SPAG16: variants seen among roughly 807,000 people sequenced by gnomAD.
SPAG16 encodes sperm-associated antigen 16 protein.
Under a neutral mutation model 80.4 loss-of-function variants are expected in SPAG16, and 86 were observed. The observed-to-expected ratio is 1.07, with a 90% CI of 0.90 to 1.28. The LOEUF (loss-of-function observed/expected upper bound fraction) is 1.28. Among genes scored for constraint, SPAG16 ranks in the 50% most tolerant of loss-of-function variants. The probability of loss-of-function intolerance (pLI) is 0.00; values close to 1 mark genes in which losing one functional copy is unlikely to be tolerated. For synonymous variants in SPAG16, 294 were observed against 265.9 expected (o/e 1.11, Z -1.03); for missense variants, 870 against 765.3 (o/e 1.14, Z -1.61).
intron 1 of SPAG16, among the ~76,000 whole-genome samples, chr2:213,286,587 G>A (rs1205593397): frequency 2.0e-5 from 3 of 152,188 alleles, no homozygotes; most frequent in Non-Finnish European, 4.4e-5. Flanking sequence ...ATTTAATTGA[G>A]CTATCATGGT....
At chr2:214,331,939 A>G (rs1038951137) in intron 15 of SPAG16, among the ~76,000 whole-genome samples, 5 of 152,256 alleles carry the variant, frequency 3.3e-5, no homozygotes, top group Admixed American at 2.0e-4. Flanking sequence ...TACTTCTGCC[A>G]GGATAGAAAG....
chr2:213,684,132 T>A (rs1035778044), intron 10 of SPAG16, among the ~76,000 whole-genome samples: 1 of 152,228 alleles, frequency 6.6e-6, no homozygotes, highest in Admixed American at 6.5e-5. Context: ...TTATAAAAGC[T>A]TGAAGCTATC....
intron 11 of SPAG16, among the ~76,000 whole-genome samples, chr2:213,908,485 G>A (rs1254338084): frequency 1.3e-5 from 2 of 152,110 alleles, no homozygotes; most frequent in African/African-American, 4.8e-5. Context: ...TCTTTCTTGG[G>A]TTCAGTCTCC....
At chr2:213,517,956 G>A (rs568739319) in intron 10 of SPAG16, among the ~76,000 whole-genome samples, 12 of 152,198 alleles carry the variant, frequency 7.9e-5, no homozygotes, top group Admixed American at 2.0e-4. Flanking sequence ...TTGACAAGTA[G>A]GACCTAATTA....
intron 15 of SPAG16, among the ~76,000 whole-genome samples, chr2:214,261,107 C>CAAAAAAAAAAA (rs558534808): frequency 1.8e-4 from 10 of 54,468 alleles, no homozygotes; most frequent in Admixed American, 2.7e-4. Context: ...GACTCAGTCT[C>CAAAAAAAAAAA]AAAAAAAAAA....
At position 213,458,746 on chromosome 2, in the gene SPAG16, G is replaced by A. The variant is rs116181577; in HGVS notation, c.943-31217G>A. On this transcript the variant is annotated intron_variant, in intron 9 of 15. Coordinates refer to ENST00000331683, the MANE Select transcript of SPAG16 (RefSeq NM_024532.5). ...GAAGATACTGTTCCATCATCTTCTG[G>A]CTCTCCTTATTCTATTGAGAAGTTG... Among the ~76,000 whole-genome samples the A allele has an allele frequency of 8.4e-3, 1,276 of 151,976 alleles. 17 individuals carry two copies. Among genetic ancestry groups the A allele is most frequent in the African/African-American group, 0.029 (1,189 of 41,420 alleles).
chr2:214,348,954 G>T (rs1467299383), intron 15 of SPAG16, among the ~76,000 whole-genome samples: 1 of 151,814 alleles, frequency 6.6e-6, no homozygotes, highest in Non-Finnish European at 1.5e-5. Flanking sequence ...AAGAATATAC[G>T]GTCATCTTTA....
chr2:213,452,225 GC>G (rs1185433092), intron 9 of SPAG16, among the ~76,000 whole-genome samples: 2 of 152,068 alleles, frequency 1.3e-5, no homozygotes, highest in Non-Finnish European at 2.9e-5. Flanking sequence ...TTTCTGAGCT[GC>G]TTTTTGTTAG....
chr2:213,559,997 G>A (rs1231669112), intron 10 of SPAG16, among the ~76,000 whole-genome samples: 1 of 151,990 alleles, frequency 6.6e-6, no homozygotes, highest in Non-Finnish European at 1.5e-5. Flanking sequence ...AGATAAAAAT[G>A]CAACCTGTTC....
intron 10 of SPAG16, among the ~76,000 whole-genome samples, chr2:213,593,069 GT>G (rs1559289875): frequency 1.3e-5 from 2 of 150,642 alleles, no homozygotes. Flanking sequence ...CAATCCGTAT[GT>G]ATATATATAT....
chr2:213,368,452 A>C (rs1019755361), intron 8 of SPAG16, among the ~76,000 whole-genome samples: 1 of 152,218 alleles, frequency 6.6e-6, no homozygotes, highest in Non-Finnish European at 1.5e-5. Context: ...ACCCACAGCC[A>C]ATATCATACT....
At chr2:213,610,333 C>T (rs1326156902) in intron 10 of SPAG16, among the ~76,000 whole-genome samples, 2 of 152,066 alleles carry the variant, frequency 1.3e-5, no homozygotes, top group South Asian at 4.1e-4. Context: ...TCTCTAAGGT[C>T]TTCCCTTTTC....
chr2:213,697,184 A>G (rs1444450818), intron 10 of SPAG16, among the ~76,000 whole-genome samples: 3 of 152,236 alleles, frequency 2.0e-5, no homozygotes, highest in Non-Finnish European at 2.9e-5. Flanking sequence ...GATTGAATCT[A>G]TTTAACAAGG....
chr2:213,388,545 C>G (rs1439218854), intron 9 of SPAG16, among the ~76,000 whole-genome samples: 1 of 152,068 alleles, frequency 6.6e-6, no homozygotes, highest in East Asian at 1.9e-4. Context: ...GATCCTTGAC[C>G]AGAGACAGTC....
intron 15 of SPAG16, among the ~76,000 whole-genome samples, chr2:214,177,971 GTATATATATATATATATATATA>G (rs34460783): frequency 1.0e-4 from 6 of 59,362 alleles, no homozygotes; most frequent in South Asian, 6.2e-4. Context: ...CAAAGTGTAT[GTATATATATATATATATATATA>G]TATATATATA....
chr2:213,836,259 T>A (rs1409223495), intron 10 of SPAG16, among the ~76,000 whole-genome samples: 1 of 151,720 alleles, frequency 6.6e-6, no homozygotes, highest in Non-Finnish European at 1.5e-5. Context: ...TATAATTTTT[T>A]TTCCTTTAGA....
intron 10 of SPAG16, among the ~76,000 whole-genome samples, chr2:213,544,749 A>C (rs1055280198): frequency 6.6e-6 from 1 of 152,052 alleles, no homozygotes; most frequent in Non-Finnish European, 1.5e-5. Flanking sequence ...TTTTTCTAAC[A>C]TGTCATGTAG....
chr2:213,961,670 A>C (rs1338928433), intron 12 of SPAG16, among the ~76,000 whole-genome samples: 1 of 149,366 alleles, frequency 6.7e-6, no homozygotes, highest in African/African-American at 2.5e-5. Flanking sequence ...TCATTTTCTT[A>C]AGTGTTTTAT....
chr2:213,357,420 C>A (rs76084061), intron 7 of SPAG16, among the ~76,000 whole-genome samples: 2,196 of 152,112 alleles, frequency 0.014, 46 homozygotes, highest in African/African-American at 0.049. Flanking sequence ...TAAGGACTTC[C>A]TTTATGAATA....
Sources: gnomAD v4.1 joint callset for allele counts (sites outside exome capture counted in the v4.1 genomes callset) on GRCh38, gnomAD v4.1.1 for gene constraint, MANE v1.5 for transcripts, NCBI Gene and HGNC (gene_info 2026-07-23, HGNC 2026-07-21) for gene names.